Variants in PRR12 observed in about 807,000 individuals in gnomAD.
PRR12 encodes the protein proline rich 12.
PRR12 carries 12 observed loss-of-function variants against 138.0 expected under a neutral mutation model. That is an observed-to-expected ratio of 0.09 (90% CI 0.06 to 0.14). The LOEUF (loss-of-function observed/expected upper bound fraction) is 0.14. Among genes scored for constraint, PRR12 ranks in the 10% least tolerant of loss-of-function variants. The pLI, the probability that PRR12 is intolerant of heterozygous loss-of-function variation, is 1.00. For missense variants in PRR12, 2,692 were observed against 2,861.3 expected (o/e 0.94, Z 1.35); for synonymous variants, 1,567 against 1,291.7 (o/e 1.21, Z -4.57).
intron 6 of PRR12, among the ~76,000 whole-genome samples, chr19:49,604,505 C>G (rs571835402): frequency 2.0e-5 from 3 of 152,024 alleles, no homozygotes; most frequent in African/African-American, 4.8e-5. Flanking sequence ...TGATGAAAGC[C>G]CATCTCTACT....
intron 6 of PRR12, among the ~76,000 whole-genome samples, chr19:49,608,247 C>T (rs765487226): frequency 1.3e-5 from 2 of 151,896 alleles, no homozygotes; most frequent in Admixed American, 6.6e-5. Flanking sequence ...CCCAGCACTT[C>T]GGGAGGCTGA....
At chr19:49,619,180 CTTTG>C (rs915054939) in intron 9 of PRR12, among the ~76,000 whole-genome samples, 4 of 148,072 alleles carry the variant, frequency 2.7e-5, no homozygotes, top group African/African-American at 1.0e-4. Context: ...AAGGCTCAGC[CTTTG>C]TTTGATCTTG....
Position 49,614,760 on chromosome 19 carries a change from G to A in PRR12, c.4890+111G>A. On this transcript the variant is annotated intron_variant, in intron 7 of 13. Coordinates refer to ENST00000418929, the MANE Select transcript of PRR12 (RefSeq NM_020719.3). The surrounding 1 kb of genome is among the most constrained non-coding windows in gnomAD (Gnocchi z 5.0). ...CACTCCACAGTGTATCTGGAAGGGG[G>A]CCCCCTGCTGCCGGCAGGCTCCAAG... 2 of 1,521,356 alleles carry A rather than the reference G, an allele frequency of 1.3e-6. No homozygotes were observed. The highest frequency in any genetic ancestry group is 1.2e-5 in the South Asian group (1 of 83,624). 94.2% of individuals were successfully genotyped at this position (1,521,356 alleles called of 1,614,324 possible).
At chr19:49,606,093 T>TGA in intron 6 of PRR12, among the ~76,000 whole-genome samples, 1 of 152,220 alleles carries the variant, frequency 6.6e-6, no homozygotes, top group East Asian at 1.9e-4. Context: ...CTCAAACTCC[T>TGA]GGGCTCAAGC....
Position 49,597,780 on chromosome 19 carries a change from C to A in PRR12, c.3445C>A (p.Pro1149Thr). ...CGACTTCTGCCCACCCAACCCAGGA[C>A]CCGATGGCCCCCGGCGCCGTGGCCG... ...DIDFCPPNPG[P>T]DGPRRRGRKP... The change falls in exon 4 of 14, where the codon CCC (proline) becomes ACC (threonine). Residue 1149 changes from proline (P) to threonine (T), a missense_variant. By Grantham distance (38) the Pro-to-Thr change is conservative. Transcript: ENST00000418929. The surrounding 1 kb of genome is among the most constrained non-coding windows in gnomAD (Gnocchi z 6.3). 6.3e-7 allele frequency: 1 copy of A among 1,591,518 alleles called. No individual in the cohort carries two copies. The highest frequency in any genetic ancestry group is 8.6e-7 in the Non-Finnish European group (1 of 1,169,518).
intron 11 of PRR12, 36 bp downstream of exon 11, chr19:49,621,658 C>G (rs2080924260): frequency 6.7e-7 from 1 of 1,500,332 alleles, no homozygotes; most frequent in African/African-American, 1.4e-5. Context: ...GTCTGGGGCC[C>G]AGGGTCCACA....
In PRR12 at chr19:49,597,947, C is replaced by CCGAGGCCGGGGT. The variant is rs2080786187; in HGVS notation, c.3616_3627dup (p.Gly1206_Arg1209dup). ...GCGCCAAGAAACCCCGGGGCCGGGG[C>CCGAGGCCGGGGT]CGAGGCCGGGGTCGAAAGGCTGAGG... On this transcript the variant is annotated inframe_insertion, in exon 4 of 14. Coordinates refer to ENST00000418929, the MANE Select transcript of PRR12 (RefSeq NM_020719.3). The surrounding 1 kb of genome is among the most constrained non-coding windows in gnomAD (Gnocchi z 6.3). 26 of 1,402,110 alleles carry CCGAGGCCGGGGT rather than the reference C, an allele frequency of 1.9e-5. No homozygotes were observed. The highest frequency in any genetic ancestry group is 2.3e-5 in the Non-Finnish European group (25 of 1,081,866). The allele number at this position is 1,402,110 out of a possible 1,614,324, so 86.9% of individuals were successfully genotyped here. A position where few individuals can be genotyped will look rare whatever the true frequency, so the allele number is the denominator to read the frequency against.
intron 5 of PRR12, 96 bp downstream of exon 5, chr19:49,600,034 A>T: frequency 7.9e-7 from 1 of 1,261,928 alleles, no homozygotes; most frequent in Non-Finnish European, 1.1e-6. Context: ...AAGAGACACC[A>T]TTCACATACA....
rs1197620148 is a variant in PRR12, at chr19:49,623,766, G to A, written c.5722-1078G>A. On this transcript the variant is annotated intron_variant, in intron 11 of 13. Coordinates refer to ENST00000418929, the MANE Select transcript of PRR12 (RefSeq NM_020719.3). ...GATGGGGCCGAGAATTCTGGGGTAGGTGGTTAGGATGGGGCCGAGAATTCT... is the reference window on the plus strand; with the variant it reads ...GATGGGGCCGAGAATTCTGGGGTAGATGGTTAGGATGGGGCCGAGAATTCT... 2.7e-5 allele frequency among the ~76,000 whole-genome samples: 4 copies of A among 150,244 alleles called. No individual in the cohort carries two copies. The South Asian group carries it at 6.3e-4, about 24-fold the overall frequency.
intron 11 of PRR12, among the ~76,000 whole-genome samples, chr19:49,622,928 TAGAGAGAGAGAG>T (rs1312571676): frequency 2.6e-5 from 2 of 77,758 alleles, no homozygotes; most frequent in Admixed American, 1.3e-4. Flanking sequence ...TATATATATA[TAGAGAGAGAGAG>T]AGAGAGAGAG....
At position 49,594,676 on chromosome 19, in the gene PRR12, C is replaced by G. The variant is rs148312497; in HGVS notation, c.362-21C>G. Reference sequence around the variant, plus strand: ...GACTGGCTCGCTGTTCTCTCTGACGCGCGGTCTTCCTCATCTCCAGCCATG... The same window carrying G: ...GACTGGCTCGCTGTTCTCTCTGACGGGCGGTCTTCCTCATCTCCAGCCATG... On this transcript the variant is annotated intron_variant, in intron 3 of 13. Transcript: ENST00000418929. The surrounding 1 kb of genome is among the most constrained non-coding windows in gnomAD (Gnocchi z 5.6). 5.6e-6 allele frequency: 9 copies of G among 1,610,700 alleles called. No individual in the cohort carries two copies. The highest frequency in any genetic ancestry group is 6.8e-6 in the Non-Finnish European group (8 of 1,179,522).
chr19:49,608,666 G>A (rs1384386212), intron 6 of PRR12, among the ~76,000 whole-genome samples: 2 of 151,754 alleles, frequency 1.3e-5, no homozygotes, highest in Non-Finnish European at 2.9e-5. Context: ...ACCGCGCCCG[G>A]CCTCTACACA....
At position 49,625,165 on chromosome 19, in the gene PRR12, T is replaced by C; in HGVS notation, c.5929T>C (p.Tyr1977His). ...TACACTCTACCATTCGCTCCACCAC[T>C]ATAAATACCACACCTTCCTGCGCTG... Reference protein sequence around the residue: ...YYTLYHSLHHYKYHTFLRCRD... With the variant: ...YYTLYHSLHHHKYHTFLRCRD... Residue 1977 changes from tyrosine to histidine, a missense_variant, in exon 13 of 14, where the codon TAT becomes CAT. Coordinates refer to ENST00000418929, the MANE Select transcript of PRR12 (RefSeq NM_020719.3). The surrounding 1 kb of genome is among the most constrained non-coding windows in gnomAD (Gnocchi z 5.5). 1 of 1,613,766 alleles carries C rather than the reference T, an allele frequency of 6.2e-7. No homozygotes were observed. The highest frequency in any genetic ancestry group is 1.1e-5 in the South Asian group (1 of 91,086).
intron 6 of PRR12, among the ~76,000 whole-genome samples, chr19:49,607,066 G>GCTC (rs1180987392): frequency 6.6e-6 from 1 of 151,936 alleles, no homozygotes; most frequent in Non-Finnish European, 1.5e-5. Flanking sequence ...GGAGGACGAG[G>GCTC]CAGGATTGTT....
chr19:49,591,814 G>C (rs369626804), intron 1 of PRR12, 74 bp downstream of exon 1: 4 of 762,242 alleles, frequency 5.2e-6, no homozygotes, highest in Non-Finnish European at 7.1e-6. Context: ...GGGCCGGGCC[G>C]GGCCCGCCCG....
At chr19:49,610,543 C>T (rs2080860483) in intron 6 of PRR12, among the ~76,000 whole-genome samples, 1 of 96,312 alleles carries the variant, frequency 1.0e-5, no homozygotes. Context: ...AAACCCTGTT[C>T]CTATTTTTTT....
At position 49,625,643 on chromosome 19, in the gene PRR12, T is replaced by TGAACCGAGAATTGGGACA; in HGVS notation, c.*43_*60dup. 6.4e-7 allele frequency: 1 copy of TGAACCGAGAATTGGGACA among 1,568,742 alleles called. No homozygotes were observed. Among genetic ancestry groups the TGAACCGAGAATTGGGACA allele is most frequent in the Admixed American group, 1.8e-5 (1 of 55,598 alleles). On this transcript the variant is annotated 3_prime_UTR_variant, in exon 14 of 14. Transcript: ENST00000418929. This position sits in a 1 kb window ranked among gnomAD's most constrained non-coding sequence, Gnocchi z 5.5. ...GCTTGTGAGGGGGGCGCCTCCTCCA[T>TGAACCGAGAATTGGGACA]GAACCGAGAATTGGGACAGAACCGT...
Position 49,616,041 on chromosome 19 carries a change from G to T in PRR12, c.5319G>T (p.Thr1773=), listed in dbSNP as rs762224774. ...CACGGCCAGAGCGGAGTCTCGCCAC[G>T]GGACAACCTGCCACATCCCGGCTGC... ...RQTRPERSLA[T]GQPATSRLPK... Residue 1773 remains threonine, a synonymous_variant, in exon 9 of 14, where the codon ACG becomes ACT. Coordinates refer to ENST00000418929, the MANE Select transcript of PRR12 (RefSeq NM_020719.3). The surrounding 1 kb of genome is among the most constrained non-coding windows in gnomAD (Gnocchi z 4.2). The T allele has an allele frequency of 3.2e-6, 5 of 1,558,634 alleles. No homozygotes were observed. The Admixed American group carries it at 5.8e-5, about 18-fold the overall frequency.
At chr19:49,622,972 GAGAT>G (rs1568432827) in intron 11 of PRR12, among the ~76,000 whole-genome samples, 25 of 143,368 alleles carry the variant, frequency 1.7e-4, no homozygotes, top group Non-Finnish European at 6.0e-5. Flanking sequence ...GAGAGAGAGA[GAGAT>G]ATTAATATGA....
Sources: gnomAD v4.1 joint callset for allele counts (sites outside exome capture counted in the v4.1 genomes callset) on GRCh38, gnomAD v4.1.1 for gene constraint, Gnocchi (gnomAD v3.1) non-coding constraint, MANE v1.5 for transcripts, NCBI Gene and HGNC (gene_info 2026-07-23, HGNC 2026-07-21) for gene names.